ARHGAP22: variants seen among roughly 807,000 people sequenced by gnomAD.
ARHGAP22 encodes the protein rho GTPase-activating protein 22.
Under a neutral mutation model 59.1 loss-of-function variants are expected in ARHGAP22, and 48 were observed. That is an observed-to-expected ratio of 0.81 (90% confidence interval 0.64 to 1.03). ARHGAP22 has a LOEUF of 1.03. ARHGAP22 is among the 50% of genes least tolerant of loss of function. ARHGAP22 has a pLI of 0.00. For missense variants in ARHGAP22, 1,015 were observed against 958.7 expected (o/e 1.06, Z -0.78); for synonymous variants, 445 against 416.4 (o/e 1.07, Z -0.84).
chr10:48,475,153 C>T (rs542320419), intron 4 of ARHGAP22, among the ~76,000 whole-genome samples: 1 of 152,352 alleles, frequency 6.6e-6, no homozygotes, highest in East Asian at 1.9e-4. Context: ...GCTCAAGTCA[C>T]CAATGACTGC....
chr10:48,450,961 C>T lies in ARHGAP22; in HGVS notation c.1168G>A (p.Ala390Thr), dbSNP rs1235060824. 1.3e-6 allele frequency: 2 copies of T among 1,573,222 alleles called. No homozygotes were observed. The highest frequency in any genetic ancestry group is 1.7e-6 in the Non-Finnish European group (2 of 1,160,246). ...QGEPGGPGLP[A>T]HRTSSLDGAA... ...CCGTCCAGGGAAGAGGTCCTGTGCG[C>T]GGGCAGGCCGGGGCCGCCGGGCTCT... The change falls in exon 9 of 10, where the codon GCG becomes ACG. Residue 390 changes from alanine to threonine, a missense_variant. By Grantham distance (58) the Ala-to-Thr change is moderately conservative. Coordinates refer to ENST00000249601, the MANE Select transcript of ARHGAP22 (RefSeq NM_021226.4).
At chr10:48,473,627 G>T (rs2048434908) in intron 4 of ARHGAP22, among the ~76,000 whole-genome samples, 5 of 152,168 alleles carry the variant, frequency 3.3e-5, no homozygotes. Context: ...CTGCAAAAAA[G>T]ATATTATTCT....
At chr10:48,637,643 T>A (rs978643431) in intron 1 of ARHGAP22, among the ~76,000 whole-genome samples, 1 of 151,408 alleles carries the variant, frequency 6.6e-6, no homozygotes, top group Non-Finnish European at 1.5e-5. Flanking sequence ...AATAGATGGA[T>A]GGATAGATGG....
At chr10:48,557,368 A>G (rs1205589539) in intron 2 of ARHGAP22, among the ~76,000 whole-genome samples, 2 of 152,160 alleles carry the variant, frequency 1.3e-5, no homozygotes, top group Non-Finnish European at 2.9e-5. Context: ...TGACATTGAC[A>G]TTGCTTTCTA....
chr10:48,430,932 C>G, the ARHGAP22 span: 1 of 476,516 alleles, frequency 2.1e-6, no homozygotes, highest in Non-Finnish European at 3.7e-6. Context: ...AGCTTCTACC[C>G]CAGCACTATC....
At chr10:48,445,221 T>C (rs2045297174), downstream of ARHGAP22, 1 of 152,268 alleles carries the variant, frequency 6.6e-6, no homozygotes, top group South Asian at 2.1e-4. Flanking sequence ...ATGGAGCTCG[T>C]TGGGCCTGAG....
chr10:48,578,524 ATGTGTGTGTGTGTG>A (rs3076347), intron 2 of ARHGAP22, among the ~76,000 whole-genome samples: 2 of 150,070 alleles, frequency 1.3e-5, no homozygotes, highest in African/African-American at 2.5e-5. Flanking sequence ...TATGCAGTGT[ATGTGTGTGTGTGTG>A]TGTGTGTGTG....
chr10:48,577,811 T>G lies in ARHGAP22; in HGVS notation c.234+5142A>C, dbSNP rs950055266. Among the ~76,000 whole-genome samples, 563 of 88,534 alleles carry G rather than the reference T, an allele frequency of 6.4e-3. 18 individuals carry two copies. Among genetic ancestry groups the G allele is most frequent in the African/African-American group, 0.027 (512 of 19,248 alleles). 58.1% of individuals were successfully genotyped at this position (88,534 alleles called of 152,430 possible). A position where few individuals can be genotyped will look rare whatever the true frequency, so the allele number is the denominator to read the frequency against. Reference sequence around the variant, plus strand: ...AACTGCTCTTTTTTGGTTTTTTTTTTTTTTTTTTTTTTTTTTTTGGAGACA... The same window carrying G: ...AACTGCTCTTTTTTGGTTTTTTTTTGTTTTTTTTTTTTTTTTTTGGAGACA... On this transcript the variant is annotated intron_variant, in intron 2 of 9. Transcript: ENST00000249601.
chr10:48,609,645 C>CT (rs1470224632), upstream of ARHGAP22, among the ~76,000 whole-genome samples: 17 of 152,166 alleles, frequency 1.1e-4, no homozygotes, highest in Non-Finnish European at 2.4e-4. Context: ...TCTGCCTGCC[C>CT]TTTTTTGCCT....
intron 3 of ARHGAP22, among the ~76,000 whole-genome samples, chr10:48,507,100 T>G (rs1218504978): frequency 6.6e-6 from 1 of 152,226 alleles, no homozygotes; most frequent in Non-Finnish European, 1.5e-5. Context: ...CATCATCATC[T>G]TAGCCATCCA....
At chr10:48,603,207 AAAAC>A (rs765086962) in intron 1 of ARHGAP22, among the ~76,000 whole-genome samples, 4 of 152,246 alleles carry the variant, frequency 2.6e-5, no homozygotes, top group Non-Finnish European at 5.9e-5. Context: ...CCATTGACTT[AAAAC>A]AAACATTTAT....
intron 3 of ARHGAP22, among the ~76,000 whole-genome samples, chr10:48,483,577 T>TTG (rs1554868601): frequency 1.2e-4 from 18 of 152,200 alleles, no homozygotes; most frequent in Admixed American, 3.3e-4. Context: ...TCTATTTTTT[T>TTG]TGTGTTTTTT....
At chr10:48,468,565 T>C (rs2047933994) in intron 4 of ARHGAP22, among the ~76,000 whole-genome samples, 1 of 152,212 alleles carries the variant, frequency 6.6e-6, no homozygotes, top group Non-Finnish European at 1.5e-5. Context: ...GAAGACTGGT[T>C]ATGACTTCTG....
intron 3 of ARHGAP22, among the ~76,000 whole-genome samples, chr10:48,548,562 G>A (rs558943725): frequency 6.6e-6 from 1 of 152,126 alleles, no homozygotes; most frequent in Non-Finnish European, 1.5e-5. Flanking sequence ...TTGGGGACAG[G>A]CCTGCTCTGG....
At chr10:48,648,303 C>T (rs1448379774) in intron 1 of ARHGAP22, among the ~76,000 whole-genome samples, 4 of 152,070 alleles carry the variant, frequency 2.6e-5, no homozygotes, top group South Asian at 2.1e-4. Flanking sequence ...TCAATTACTG[C>T]AGTCATTAAA....
intron 1 of ARHGAP22, among the ~76,000 whole-genome samples, chr10:48,643,762 A>ATATAT (rs1331684009): frequency 2.8e-5 from 4 of 144,218 alleles, no homozygotes; most frequent in African/African-American, 1.0e-4. Context: ...TAAAAAAAAA[A>ATATAT]AAATATATAT....
intron 1 of ARHGAP22, among the ~76,000 whole-genome samples, chr10:48,604,387 T>G (rs2060559142): frequency 6.6e-6 from 1 of 152,190 alleles, no homozygotes; most frequent in African/African-American, 2.4e-5. Context: ...TGGTAAGGGG[T>G]GCTTCTGTGT....
At chr10:48,558,732 A>G (rs56058334) in intron 2 of ARHGAP22, among the ~76,000 whole-genome samples, 23,214 of 152,090 alleles carry the variant, frequency 0.15, 1,868 homozygotes, top group Admixed American at 0.23. Flanking sequence ...TTGAGTTTCT[A>G]ACCCTATAGG....
At chr10:48,571,277 C>A (rs561728954) in intron 2 of ARHGAP22, among the ~76,000 whole-genome samples, 1 of 152,098 alleles carries the variant, frequency 6.6e-6, no homozygotes, top group African/African-American at 2.4e-5. Flanking sequence ...GAAGACAAAT[C>A]GGGGAGTCTG....
Sources: gnomAD v4.1 joint callset for allele counts (sites outside exome capture counted in the v4.1 genomes callset) on GRCh38, gnomAD v4.1.1 for gene constraint, MANE v1.5 for transcripts, NCBI Gene and HGNC (gene_info 2026-07-23, HGNC 2026-07-21) for gene names.